BEND7: variants seen among roughly 807,000 people sequenced by gnomAD.
The protein encoded by BEND7 is BEN domain containing 7.
In BEND7, 28 loss-of-function variants were observed where a neutral mutation model predicts 50.9. That is an observed-to-expected ratio of 0.55 (90% CI 0.41 to 0.75). BEND7 has a LOEUF of 0.75. Among genes scored for constraint, BEND7 ranks in the 30% least tolerant of loss-of-function variants. BEND7 has a pLI of 0.00. For synonymous variants in BEND7, 170 were observed against 183.9 expected (o/e 0.92, Z 0.61); for missense variants, 477 against 491.3 (o/e 0.97, Z 0.28).
rs781163790 is a variant in BEND7, at chr10:13,492,847, T to C, written c.601A>G (p.Ile201Val). 3 of 1,604,188 alleles carry C rather than the reference T, an allele frequency of 1.9e-6. No homozygotes were observed. Among genetic ancestry groups the C allele is most frequent in the Non-Finnish European group, 2.5e-6 (3 of 1,177,914 alleles). Reference sequence around the variant, plus strand: ...GTTCGCTGGGAGCATATAAGGGAAATTGGAGGTTGTTGTCTGTTTTGAGTT... The same window carrying C: ...GTTCGCTGGGAGCATATAAGGGAAACTGGAGGTTGTTGTCTGTTTTGAGTT... ...VGTQNRQQPP[I>V]SLICSQRTAV... Residue 201 changes from isoleucine to valine, a missense_variant, in exon 5 of 9, where the codon ATT (isoleucine) becomes GTT (valine). By Grantham distance (29) the Ile-to-Val change is conservative. Transcript: ENST00000466271.
At chr10:13,485,456 G>A (rs957360804) in intron 5 of BEND7, among the ~76,000 whole-genome samples, 2 of 152,288 alleles carry the variant, frequency 1.3e-5, no homozygotes, top group South Asian at 2.1e-4. Flanking sequence ...ATATGCTGGT[G>A]GGGATTTGGG....
intron 1 of BEND7, 52 bp downstream of exon 1, chr10:13,528,421 G>T: frequency 1.1e-6 from 1 of 930,058 alleles, no homozygotes; most frequent in Non-Finnish European, 1.3e-6. Context: ...CCCGCGGGCG[G>T]CCGAGGGCGC....
At chr10:13,525,209 T>C (rs1221554571) in intron 2 of BEND7, among the ~76,000 whole-genome samples, 3 of 152,212 alleles carry the variant, frequency 2.0e-5, no homozygotes, top group Non-Finnish European at 4.4e-5. Context: ...CGCCACCATC[T>C]ACTCTCCACC....
In BEND7 at chr10:13,479,638, T is replaced by G. The variant is rs527812736; in HGVS notation, c.1063+1261A>C. Among the ~76,000 whole-genome samples, 7 of 152,372 alleles carry G rather than the reference T, an allele frequency of 4.6e-5. No individual in the cohort carries two copies. The East Asian group carries it at 1.3e-3, about 29-fold the overall frequency. On this transcript the variant is annotated intron_variant, in intron 6 of 8. Transcript: ENST00000466271. Reference sequence around the variant, plus strand: ...TCCTACTTACATCATTGACCATTTTTCAAATTCTGTCATGTTGTTTGTAGT... The same window carrying G: ...TCCTACTTACATCATTGACCATTTTGCAAATTCTGTCATGTTGTTTGTAGT...
chr10:13,504,017 T>C (rs553845735), intron 2 of BEND7, among the ~76,000 whole-genome samples: 1 of 152,148 alleles, frequency 6.6e-6, no homozygotes, highest in Non-Finnish European at 1.5e-5. Context: ...CAGGGAATGA[T>C]GAGTGACAGG....
Position 13,528,463 on chromosome 10 carries a change from G to A in BEND7, c.61+10C>T. ...CGCTGCCTGCCCCCGCCGCCCCGGC[G>A]GCCGCTTACCTCGGCTCACCAGTTT... is the stretch of plus-strand genomic sequence containing the variant. On this transcript the variant is annotated intron_variant, in intron 1 of 8. Transcript: ENST00000466271. 1 of 1,017,614 alleles carries A rather than the reference G, an allele frequency of 9.8e-7. No individual in the cohort carries two copies. 63.0% of individuals were successfully genotyped at this position (1,017,614 alleles called of 1,614,324 possible).
chr10:13,492,039 A>ATCCAACATTCTGGAC lies in BEND7; in HGVS notation c.837+557_837+571dup, dbSNP rs540630434. Among the ~76,000 whole-genome samples, 34 of 152,070 alleles carry ATCCAACATTCTGGAC rather than the reference A, an allele frequency of 2.2e-4. No individual in the cohort carries two copies. In the South Asian group the frequency reaches 7.1e-3, roughly 32 times the overall value. ...AAGTCAGATGGTTATCTCGGATGTC[A>ATCCAACATTCTGGAC]TCCAACATTCTGGACTGCGGCAACA... On this transcript the variant is annotated intron_variant, in intron 5 of 8. Coordinates refer to ENST00000466271, the MANE Select transcript of BEND7 (RefSeq NM_001369863.1).
intron 5 of BEND7, among the ~76,000 whole-genome samples, chr10:13,488,195 AC>A (rs2131899693): frequency 6.6e-6 from 1 of 152,116 alleles, no homozygotes; most frequent in East Asian, 1.9e-4. Context: ...ATCTAGTATT[AC>A]TGGAGACTAT....
chr10:13,496,127 T>G (rs889113034), intron 4 of BEND7, among the ~76,000 whole-genome samples: 2 of 152,216 alleles, frequency 1.3e-5, no homozygotes, highest in African/African-American at 2.4e-5. Context: ...AGCTACTACA[T>G]CATTCTATTT....
chr10:13,528,585 GCGGCA>G lies in BEND7; in HGVS notation c.-57_-53del. 1 of 696,400 alleles carries G rather than the reference GCGGCA, an allele frequency of 1.4e-6. No individual in the cohort carries two copies. The highest frequency in any genetic ancestry group is 6.5e-5 in the South Asian group (1 of 15,490). 43.1% of individuals were successfully genotyped at this position (696,400 alleles called of 1,614,324 possible). ...TGAGGAGGCGGCGGCAGCGGCGGCA[GCGGCA>G]GCGGCGGCAGCGGCAGCGGCGGCGC... On this transcript the variant is annotated 5_prime_UTR_variant, in exon 1 of 9. Transcript: ENST00000466271.
At chr10:13,441,942 C>T in intron 8 of BEND7, 192 bp from the exon 9 acceptor site, 1 of 611,316 alleles carries the variant, frequency 1.6e-6, no homozygotes. Context: ...ACAAGCCACG[C>T]CTAAAGCCAG....
chr10:13,486,796 C>T (rs1174633038), intron 5 of BEND7, among the ~76,000 whole-genome samples: 1 of 152,190 alleles, frequency 6.6e-6, no homozygotes, highest in Non-Finnish European at 1.5e-5. Context: ...TTTAGAGATG[C>T]TTTTAGCTTT....
chr10:13,462,967 A>C (rs1229999808), intron 6 of BEND7, among the ~76,000 whole-genome samples: 2 of 152,210 alleles, frequency 1.3e-5, no homozygotes, highest in East Asian at 3.8e-4. Flanking sequence ...GAATCTAGAG[A>C]ACACTGGAAT....
intron 2 of BEND7, among the ~76,000 whole-genome samples, chr10:13,514,589 T>G (rs748975480): frequency 6.6e-5 from 5 of 75,708 alleles, no homozygotes; most frequent in African/African-American, 1.9e-4. Context: ...ACCAGGGAAG[T>G]TGGGTCGGAC....
intron 6 of BEND7, chr10:13,480,482 C>T (rs1046099261): frequency 2.0e-5 from 8 of 407,940 alleles, no homozygotes; most frequent in Non-Finnish European, 2.6e-5. Flanking sequence ...GGTAAAGCAA[C>T]TCTAAACTTC....
Position 13,451,190 on chromosome 10 carries a change from C to CT in BEND7, c.1183+1348dup, listed in dbSNP as rs34416134. Among the ~76,000 whole-genome samples, 967 of 142,380 alleles carry CT rather than the reference C, an allele frequency of 6.8e-3. 9 individuals are homozygous for CT. The highest frequency in any genetic ancestry group is 0.041 in the South Asian group (179 of 4,372). The allele number at this position is 142,380 out of a possible 152,430, so 93.4% of individuals were successfully genotyped here. A position where few individuals can be genotyped will look rare whatever the true frequency, so the allele number is the denominator to read the frequency against. On this transcript the variant is annotated intron_variant, in intron 7 of 8. Coordinates refer to ENST00000466271, the MANE Select transcript of BEND7 (RefSeq NM_001369863.1). Reference sequence around the variant, plus strand: ...ATAGCCTTCTACAGAATTTCTCCACCTTTTTTTTTTTTTTAAAGAAACAGG... The same window carrying CT: ...ATAGCCTTCTACAGAATTTCTCCACCTTTTTTTTTTTTTTTAAAGAAACAGG...
intron 5 of BEND7, among the ~76,000 whole-genome samples, chr10:13,488,931 A>T (rs1050764347): frequency 6.6e-6 from 1 of 152,238 alleles, no homozygotes; most frequent in South Asian, 2.1e-4. Context: ...TTCCCTTTCT[A>T]AAAACACTAT....
chr10:13,497,328 G>C (rs2077094051), intron 3 of BEND7, among the ~76,000 whole-genome samples: 1 of 152,206 alleles, frequency 6.6e-6, no homozygotes, highest in African/African-American at 2.4e-5. Flanking sequence ...AAAATTATAT[G>C]AGTTCTATTG....
intron 4 of BEND7, among the ~76,000 whole-genome samples, chr10:13,493,121 A>G (rs1170781967): frequency 6.6e-6 from 1 of 152,248 alleles, no homozygotes; most frequent in Non-Finnish European, 1.5e-5. Context: ...GTGACAGCAT[A>G]CTGCTGTTGG....
Sources: allele counts gnomAD v4.1 joint callset (sites outside exome capture counted in the v4.1 genomes callset), GRCh38; gene constraint gnomAD v4.1.1; transcripts MANE v1.5; gene names NCBI Gene and HGNC (gene_info 2026-07-23, HGNC 2026-07-21).